Variants in PTPRD observed in about 807,000 individuals in gnomAD.
PTPRD encodes receptor-type tyrosine-protein phosphatase delta.
In PTPRD, 34 loss-of-function variants were observed where a neutral mutation model predicts 214.5. The ratio of observed to expected loss-of-function variants is 0.16; its 90% CI spans 0.12 to 0.21. The LOEUF is 0.21. Among genes scored for constraint, PTPRD ranks in the 10% least tolerant of loss-of-function variants. The probability of loss-of-function intolerance (pLI) is 1.00; values close to 1 mark genes in which losing one functional copy is unlikely to be tolerated. For missense variants in PTPRD, 2,545 were observed against 2,398.7 expected (o/e 1.06, Z -1.27); for synonymous variants, 1,128 against 845.7 (o/e 1.33, Z -5.79).
intron 5 of PTPRD, among the ~76,000 whole-genome samples, chr9:9,924,323 G>A (rs2083523769): frequency 6.6e-6 from 1 of 151,976 alleles, no homozygotes; most frequent in African/African-American, 2.4e-5. Context: ...AGATACACGA[G>A]CTAAACATTG....
At chr9:9,104,930 A>G (rs933711341) in intron 10 of PTPRD, among the ~76,000 whole-genome samples, 2 of 152,214 alleles carry the variant, frequency 1.3e-5, no homozygotes, top group African/African-American at 4.8e-5. Flanking sequence ...ATAGGAAAAG[A>G]TAATTGCCAC....
chr9:8,942,890 A>G (rs73425753), intron 11 of PTPRD, among the ~76,000 whole-genome samples: 2 of 151,986 alleles, frequency 1.3e-5, no homozygotes, highest in African/African-American at 4.8e-5. Context: ...AAACCTAAAG[A>G]CTCCACCAAA....
At chr9:8,792,428 G>A (rs576751038) in intron 11 of PTPRD, among the ~76,000 whole-genome samples, 6 of 152,276 alleles carry the variant, frequency 3.9e-5, no homozygotes, top group East Asian at 3.9e-4. Context: ...AAATACTAAC[G>A]GCTACCTTAG....
chr9:9,696,801 C>G (rs2097383401), intron 7 of PTPRD, among the ~76,000 whole-genome samples: 1 of 152,044 alleles, frequency 6.6e-6, no homozygotes, highest in Admixed American at 6.6e-5. Flanking sequence ...TATTTAAACA[C>G]AATGTTATTA....
At chr9:9,320,232 T>TCCC (rs1391040674) in intron 9 of PTPRD, among the ~76,000 whole-genome samples, 14 of 152,156 alleles carry the variant, frequency 9.2e-5, no homozygotes, top group Admixed American at 5.2e-4. Context: ...CATGTTTTAA[T>TCCC]AAAAAGGACA....
At chr9:8,793,634 C>G (rs1489960634) in intron 11 of PTPRD, among the ~76,000 whole-genome samples, 1 of 152,200 alleles carries the variant, frequency 6.6e-6, no homozygotes, top group African/African-American at 2.4e-5. Context: ...ACAGTTACAC[C>G]TGCATTCAGA....
chr9:9,613,625 G>A (rs1448303000), intron 7 of PTPRD, among the ~76,000 whole-genome samples: 2 of 151,972 alleles, frequency 1.3e-5, no homozygotes, highest in Non-Finnish European at 2.9e-5. Flanking sequence ...AAGTTTATTT[G>A]GATCTCACTA....
chr9:10,273,135 G>A (rs1367900859), intron 3 of PTPRD, among the ~76,000 whole-genome samples: 1 of 152,146 alleles, frequency 6.6e-6, no homozygotes, highest in East Asian at 1.9e-4. Flanking sequence ...TGATGTACCT[G>A]TAATGTGACA....
chr9:8,854,500 A>T (rs1357910450), intron 11 of PTPRD, among the ~76,000 whole-genome samples: 1 of 152,206 alleles, frequency 6.6e-6, no homozygotes, highest in Non-Finnish European at 1.5e-5. Context: ...TCTGAAGGAA[A>T]TCTAATATGC....
At chr9:9,616,408 G>C (rs2154349268) in intron 7 of PTPRD, among the ~76,000 whole-genome samples, 1 of 152,192 alleles carries the variant, frequency 6.6e-6, no homozygotes, top group African/African-American at 2.4e-5. Context: ...CGCAACAAAA[G>C]TAAGCTCAAA....
intron 12 of PTPRD, among the ~76,000 whole-genome samples, chr9:8,684,110 C>G (rs774127539): frequency 4.6e-5 from 7 of 152,234 alleles, no homozygotes; most frequent in Admixed American, 6.5e-5. Flanking sequence ...TCTGCTGCGC[C>G]CTATCTGAAT....
At position 10,244,429 on chromosome 9, in the gene PTPRD, G is replaced by C. The variant is rs182807883; in HGVS notation, c.-545+96534C>G. Among the ~76,000 whole-genome samples, 310 of 152,238 alleles carry C rather than the reference G, an allele frequency of 2.0e-3. 1 individual carries two copies. The highest frequency in any genetic ancestry group is 7.3e-3 in the African/African-American group (303 of 41,560). ...CTGCTGAATGCATCTTTACAAGTAT[G>C]TTGATATGTGTGGCATGAGGTCCAA... On this transcript the variant is annotated intron_variant, in intron 3 of 45. Transcript: ENST00000381196.
chr9:10,258,136 T>C (rs2093423566), intron 3 of PTPRD, among the ~76,000 whole-genome samples: 1 of 152,194 alleles, frequency 6.6e-6, no homozygotes, highest in South Asian at 2.1e-4. Flanking sequence ...ATTGGATGTA[T>C]TATCCCAACA....
chr9:8,478,415 A>G (rs1416513964), intron 30 of PTPRD, among the ~76,000 whole-genome samples: 2 of 152,236 alleles, frequency 1.3e-5, no homozygotes, highest in Non-Finnish European at 2.9e-5. Context: ...TGAAAATTTC[A>G]TAGAATACCC....
intron 11 of PTPRD, among the ~76,000 whole-genome samples, chr9:8,965,059 G>T (rs922893579): frequency 6.6e-6 from 1 of 152,016 alleles, no homozygotes; most frequent in Non-Finnish European, 1.5e-5. Context: ...AGTCCAGTTG[G>T]TCAAGTGTCA....
intron 11 of PTPRD, among the ~76,000 whole-genome samples, chr9:8,783,515 T>A (rs185931965): frequency 1.3e-5 from 2 of 152,330 alleles, no homozygotes; most frequent in African/African-American, 4.8e-5. Context: ...TTGACACCGT[T>A]TTGCAGATAA....
At chr9:9,667,469 T>C (rs2096746123) in intron 7 of PTPRD, among the ~76,000 whole-genome samples, 2 of 152,276 alleles carry the variant, frequency 1.3e-5, no homozygotes, top group East Asian at 1.9e-4. Context: ...AAATAGTTTA[T>C]GTTCATTCAT....
intron 11 of PTPRD, among the ~76,000 whole-genome samples, chr9:8,929,877 ATATATGTGTGTG>A (rs2098937702): frequency 2.2e-5 from 2 of 91,936 alleles, no homozygotes; most frequent in South Asian, 3.9e-4. Flanking sequence ...ATGTGTGTGT[ATATATGTGTGTG>A]TATATATATG....
chr9:9,420,225 A>G (rs1436607708), intron 8 of PTPRD, among the ~76,000 whole-genome samples: 2 of 151,872 alleles, frequency 1.3e-5, no homozygotes, highest in South Asian at 2.1e-4. Flanking sequence ...CAAACAAAAT[A>G]TCAACTAATA....
Sources: allele counts gnomAD v4.1 joint callset (sites outside exome capture counted in the v4.1 genomes callset), GRCh38; gene constraint gnomAD v4.1.1; transcripts MANE v1.5; gene names NCBI Gene and HGNC (gene_info 2026-07-23, HGNC 2026-07-21).